The following MDGA2 variants were observed in gnomAD, a reference collection of about 807,000 sequenced individuals.
MDGA2 encodes the protein MAM domain containing glycosylphosphatidylinositol anchor 2.
MDGA2 carries 40 observed loss-of-function variants against 117.8 expected under a neutral mutation model. The ratio of observed to expected loss-of-function variants is 0.34; its 90% CI spans 0.26 to 0.44. MDGA2 has a LOEUF of 0.44. MDGA2 is among the 20% of genes least tolerant of loss of function. The pLI, the probability that MDGA2 is intolerant of heterozygous loss-of-function variation, is 1.00. For missense variants in MDGA2, 1,123 were observed against 1,250.6 expected (o/e 0.90, Z 1.54); for synonymous variants, 452 against 439.0 (o/e 1.03, Z -0.37).
At chr14:47,672,286 C>T (rs1204626607) in intron 1 of MDGA2, among the ~76,000 whole-genome samples, 4 of 152,134 alleles carry the variant, frequency 2.6e-5, no homozygotes, top group Non-Finnish European at 5.9e-5. Context: ...TGACTAATAA[C>T]CACATCAATA....
At position 47,335,745 on chromosome 14, in the gene MDGA2, T is replaced by TATATATATATATATATATATACATAC; in HGVS notation, c.281-34196_281-34195insGTATGTATATATATATATATATATAT. ...TGCACACATATATTTTATATATATA[T>TATATATATATATATATATATACATAC]ATACATACATACATACAGGATCACT... On this transcript the variant is annotated intron_variant, in intron 1 of 16. Transcript: ENST00000399232. Among the ~76,000 whole-genome samples the TATATATATATATATATATATACATAC allele has an allele frequency of 2.3e-3, 216 of 95,538 alleles. 7 individuals carry two copies. Among genetic ancestry groups the TATATATATATATATATATATACATAC allele is most frequent in the African/African-American group, 8.7e-3 (204 of 23,480 alleles). 62.7% of individuals were successfully genotyped at this position (95,538 alleles called of 152,430 possible).
At chr14:47,320,604 C>T (rs1374855548) in intron 1 of MDGA2, among the ~76,000 whole-genome samples, 2 of 152,044 alleles carry the variant, frequency 1.3e-5, no homozygotes, top group Non-Finnish European at 2.9e-5. Context: ...TCCCTCCATC[C>T]TGTCTCCTCC....
chr14:46,978,075 A>G (rs539477581), intron 8 of MDGA2, among the ~76,000 whole-genome samples: 3 of 151,950 alleles, frequency 2.0e-5, no homozygotes, highest in African/African-American at 7.2e-5. Context: ...AGGATTAAAG[A>G]CATTCATTAT....
chr14:47,354,329 T>C (rs1194451308), intron 1 of MDGA2, among the ~76,000 whole-genome samples: 2 of 152,160 alleles, frequency 1.3e-5, no homozygotes, highest in Admixed American at 6.5e-5. Context: ...AGTACCTACC[T>C]GCAACCACTG....
chr14:47,496,750 C>T (rs1322373824), intron 1 of MDGA2, among the ~76,000 whole-genome samples: 1 of 149,934 alleles, frequency 6.7e-6, no homozygotes, highest in Non-Finnish European at 1.5e-5. Flanking sequence ...ATAATATGCT[C>T]AGTAATCTAT....
chr14:47,049,190 C>T (rs1424336366), intron 7 of MDGA2, among the ~76,000 whole-genome samples: 2 of 151,936 alleles, frequency 1.3e-5, no homozygotes, highest in African/African-American at 4.8e-5. Context: ...TTTTAGACAT[C>T]GACATTTAAA....
chr14:47,236,149 G>C (rs938834190), intron 2 of MDGA2, among the ~76,000 whole-genome samples: 1 of 151,956 alleles, frequency 6.6e-6, no homozygotes, highest in Non-Finnish European at 1.5e-5. Context: ...AAATTAGCCG[G>C]GCATAGTGGC....
intron 8 of MDGA2, among the ~76,000 whole-genome samples, chr14:46,992,739 C>A (rs1317834582): frequency 1.3e-5 from 2 of 152,064 alleles, no homozygotes; most frequent in Non-Finnish European, 2.9e-5. Flanking sequence ...ATAAAATGAG[C>A]ACAGCTGTGT....
chr14:46,847,888 T>A lies in MDGA2; in HGVS notation c.2884-2017A>T, dbSNP rs530061570. On this transcript the variant is annotated intron_variant, in intron 15 of 16. Coordinates refer to ENST00000399232, the MANE Select transcript of MDGA2 (RefSeq NM_001113498.3). Reference sequence around the variant, plus strand: ...GAGCAAACTACCTGTGAGAAAATATTTTCCTTTTTCCAAAAAGTAGGTTTT... The same window carrying A: ...GAGCAAACTACCTGTGAGAAAATATATTCCTTTTTCCAAAAAGTAGGTTTT... 2.2e-4 allele frequency among the ~76,000 whole-genome samples: 33 copies of A among 152,158 alleles called. 3 individuals carry two copies. In the South Asian group the frequency reaches 6.8e-3, roughly 32 times the overall value.
intron 5 of MDGA2, among the ~76,000 whole-genome samples, chr14:47,121,165 C>T (rs10150935): frequency 0.28 from 41,952 of 151,884 alleles, 6,324 homozygotes; most frequent in South Asian, 0.47. Flanking sequence ...ATCCTATAAG[C>T]GTTCTTTGGT....
chr14:47,406,161 C>T (rs2416065), intron 1 of MDGA2, among the ~76,000 whole-genome samples: 1 of 151,888 alleles, frequency 6.6e-6, no homozygotes, highest in Non-Finnish European at 1.5e-5. Flanking sequence ...TGCTGGTAGA[C>T]GTGCAAATTA....
At chr14:47,302,319 G>A (rs888137804) in intron 1 of MDGA2, among the ~76,000 whole-genome samples, 1 of 152,184 alleles carries the variant, frequency 6.6e-6, no homozygotes, top group African/African-American at 2.4e-5. Flanking sequence ...CATGAGAGAA[G>A]TACTTAGCTA....
At chr14:47,083,937 C>T (rs2138906002) in intron 6 of MDGA2, among the ~76,000 whole-genome samples, 1 of 152,082 alleles carries the variant, frequency 6.6e-6, no homozygotes, top group Admixed American at 6.5e-5. Flanking sequence ...GAAGCAAAAA[C>T]AGATAGAACT....
intron 1 of MDGA2, among the ~76,000 whole-genome samples, chr14:47,646,328 CATACACAT>C (rs1013452186): frequency 1.3e-5 from 2 of 151,874 alleles, no homozygotes; most frequent in Admixed American, 6.6e-5. Context: ...CATGTATATA[CATACACAT>C]ATACACATAT....
intron 1 of MDGA2, among the ~76,000 whole-genome samples, chr14:47,382,865 A>G (rs1298028246): frequency 3.9e-5 from 6 of 152,200 alleles, no homozygotes; most frequent in South Asian, 2.1e-4. Context: ...TACATACCCA[A>G]AGGATTATAA....
At chr14:47,289,484 A>G (rs1335310909) in intron 2 of MDGA2, among the ~76,000 whole-genome samples, 1 of 151,986 alleles carries the variant, frequency 6.6e-6, no homozygotes, top group Non-Finnish European at 1.5e-5. Context: ...ATTGTGAAAT[A>G]TCTACCATTT....
intron 8 of MDGA2, among the ~76,000 whole-genome samples, chr14:46,973,511 C>T (rs1057122380): frequency 2.0e-5 from 3 of 152,036 alleles, no homozygotes; most frequent in African/African-American, 7.2e-5. Context: ...CAATGTTTAA[C>T]AGACAATGCA....
At chr14:46,905,596 T>A (rs1457638706) in intron 10 of MDGA2, among the ~76,000 whole-genome samples, 1 of 152,168 alleles carries the variant, frequency 6.6e-6, no homozygotes, top group African/African-American at 2.4e-5. Flanking sequence ...TTTATCAAGT[T>A]ATTATCTGGG....
chr14:47,394,519 T>C (rs1014343429), intron 1 of MDGA2, among the ~76,000 whole-genome samples: 1 of 152,168 alleles, frequency 6.6e-6, no homozygotes, highest in African/African-American at 2.4e-5. Context: ...AAAAATAGTC[T>C]TAAGTTTAAA....
Sources: gnomAD v4.1 joint callset for allele counts (sites outside exome capture counted in the v4.1 genomes callset) on GRCh38, gnomAD v4.1.1 for gene constraint, MANE v1.5 for transcripts, NCBI Gene and HGNC (gene_info 2026-07-23, HGNC 2026-07-21) for gene names.